PPP1R15B: variants seen among roughly 807,000 people sequenced by gnomAD.
PPP1R15B encodes protein phosphatase 1, regulatory (inhibitor) subunit 15B.
Under a neutral mutation model 53.9 loss-of-function variants are expected in PPP1R15B, and 31 were observed. That is an observed-to-expected ratio of 0.58 (90% confidence interval 0.43 to 0.78). PPP1R15B has a LOEUF of 0.78. PPP1R15B is among the 30% of genes least tolerant of loss of function. The probability of loss-of-function intolerance (pLI) is 0.00; values close to 1 mark genes in which losing one functional copy is unlikely to be tolerated. For missense variants in PPP1R15B, 928 were observed against 849.6 expected (o/e 1.09, Z -1.15); for synonymous variants, 345 against 329.1 (o/e 1.05, Z -0.52).
At position 204,411,546 on chromosome 1, in the gene PPP1R15B, A is replaced by T; in HGVS notation, c.-135T>A. ...GCTGCTCCAGGCCGATCTTCGAGCCAGCAGAAAAGCCACAGAGGGCAGCGA... is the reference window on the plus strand; with the variant it reads ...GCTGCTCCAGGCCGATCTTCGAGCCTGCAGAAAAGCCACAGAGGGCAGCGA... On this transcript the variant is annotated 5_prime_UTR_variant, in exon 1 of 2. Transcript: ENST00000367188. 2 of 1,244,816 alleles carry T rather than the reference A, an allele frequency of 1.6e-6. No individual in the cohort carries two copies. 77.1% of individuals were successfully genotyped at this position (1,244,816 alleles called of 1,614,324 possible).
In PPP1R15B at chr1:204,410,763, T is replaced by C. The variant is rs770217382; in HGVS notation, c.649A>G (p.Ser217Gly). Reference protein sequence around the residue: ...PLNIQRIDNFSVVSYLLNPSY... With the variant: ...PLNIQRIDNFGVVSYLLNPSY... Reference sequence around the variant, plus strand: ...GGGTTCAGCAAATAGGATACCACACTGAAATTGTCTATGCGTTGAATGTTT... The same window carrying C: ...GGGTTCAGCAAATAGGATACCACACCGAAATTGTCTATGCGTTGAATGTTT... The change falls in exon 1 of 2, where the codon AGT becomes GGT. Residue 217 changes from serine to glycine, a missense_variant. Transcript: ENST00000367188. 45 of 1,614,080 alleles carry C rather than the reference T, an allele frequency of 2.8e-5. No individual in the cohort carries two copies. The highest frequency in any genetic ancestry group is 3.6e-5 in the Non-Finnish European group (43 of 1,180,040).
rs1162038395 is a variant in PPP1R15B, at chr1:204,406,287, C to T, written c.1947G>A (p.Glu649=). The T allele has an allele frequency of 3.1e-6, 5 of 1,613,830 alleles. No individual in the cohort carries two copies. Among genetic ancestry groups the T allele is most frequent in the Non-Finnish European group, 4.2e-6 (5 of 1,179,876 alleles). ...GATCCTCATCACCACTTATATAATA[C>T]TCAGTAACTTCTTCAAGGAAGGTTA... ...KKVTFLEEVT[E]YYISGDEDRK... The change falls in exon 2 of 2, where the codon GAG becomes GAA. Residue 649 remains glutamate, a synonymous_variant. Coordinates refer to ENST00000367188, the MANE Select transcript of PPP1R15B (RefSeq NM_032833.5).
At chr1:204,398,225 C>T (rs116440475), downstream of PPP1R15B, among the ~76,000 whole-genome samples, 537 of 152,280 alleles carry the variant, frequency 3.5e-3, 3 homozygotes, top group African/African-American at 0.012. Flanking sequence ...TGCCTGTAAT[C>T]GCGACACTTT....
In PPP1R15B at chr1:204,410,626, C is replaced by G; in HGVS notation, c.786G>C (p.Glu262Asp). 6.2e-7 allele frequency: 1 copy of G among 1,614,000 alleles called. No individual in the cohort carries two copies. The highest frequency in any genetic ancestry group is 1.1e-5 in the South Asian group (1 of 91,056). Reference protein sequence around the residue: ...TLTPESSCLREDHCHPQPLSA... With the variant: ...TLTPESSCLRDDHCHPQPLSA... ...TCAGCGGCTGGGGATGACAATGGTCCTCTCTCAGGCAGCTGCTCTCTGGGG... is the reference window on the plus strand; with the variant it reads ...TCAGCGGCTGGGGATGACAATGGTCGTCTCTCAGGCAGCTGCTCTCTGGGG... The change falls in exon 1 of 2, where the codon GAG (glutamate) becomes GAC (aspartate). Residue 262 changes from glutamate to aspartate, a missense_variant. Physicochemically the swap from Glu to Asp is conservative, Grantham distance 45 (BLOSUM62 2). Coordinates refer to ENST00000367188, the MANE Select transcript of PPP1R15B (RefSeq NM_032833.5).
rs1038601539 is a variant in PPP1R15B at position 204,403,774 on chromosome 1, T to C, written c.*2318A>G. 2 of 985,772 alleles carry C rather than the reference T, an allele frequency of 2.0e-6. No homozygotes were observed. The highest frequency in any genetic ancestry group is 2.4e-6 in the Non-Finnish European group (2 of 829,814). The allele number at this position is 985,772 out of a possible 1,614,324, so 61.1% of individuals were successfully genotyped here. Reference sequence around the variant, plus strand: ...GGGTTTAACTTTGTTCTAACTAGAATTGGGATGAAACAAGAATTTTGCTTT... The same window carrying C: ...GGGTTTAACTTTGTTCTAACTAGAACTGGGATGAAACAAGAATTTTGCTTT... On this transcript the variant is annotated 3_prime_UTR_variant, in exon 2 of 2. Transcript: ENST00000367188.
chr1:204,405,578 G>C lies in PPP1R15B; in HGVS notation c.*514C>G, dbSNP rs1295096072. 4 of 979,864 alleles carry C rather than the reference G, an allele frequency of 4.1e-6. No individual in the cohort carries two copies. The African/African-American group carries it at 5.3e-5, about 13-fold the overall frequency. 60.7% of individuals were successfully genotyped at this position (979,864 alleles called of 1,614,324 possible). ...CACTTTAAGTTGGTAGCATACACAAGGTTATTTTTTAGCCTAACATAGACA... is the reference window on the plus strand; with the variant it reads ...CACTTTAAGTTGGTAGCATACACAACGTTATTTTTTAGCCTAACATAGACA... On this transcript the variant is annotated 3_prime_UTR_variant, in exon 2 of 2. Transcript: ENST00000367188.
In PPP1R15B at chr1:204,411,039, T is replaced by TC. The variant is rs1460256150; in HGVS notation, c.372dup (p.Ser125GlufsTer17). The TC allele has an allele frequency of 1.2e-6, 2 of 1,614,164 alleles. No individual in the cohort carries two copies. Among genetic ancestry groups the TC allele is most frequent in the Non-Finnish European group, 8.5e-7 (1 of 1,180,012 alleles). On this transcript the variant is annotated frameshift_variant, in exon 1 of 2. Coordinates refer to ENST00000367188, the MANE Select transcript of PPP1R15B (RefSeq NM_032833.5). LOFTEE classifies it high-confidence loss of function. Reference sequence around the variant, plus strand: ...TCTGAGGAGTCGAGCTGCAGCGAACTCAAAGATTTCTGCGCTGTGGGGGCG... The same window carrying TC: ...TCTGAGGAGTCGAGCTGCAGCGAACTCCAAAGATTTCTGCGCTGTGGGGGCG...
In PPP1R15B at chr1:204,409,815, G is replaced by A. The variant is rs1674329721; in HGVS notation, c.1597C>T (p.Pro533Ser). The change falls in exon 1 of 2, where the codon CCT (proline) becomes TCT (serine). Residue 533 changes from proline to serine, a missense_variant. Transcript: ENST00000367188. ...SSQSGSLPETPEHSSGEEDDW... is the reference protein window; with the variant it reads ...SSQSGSLPETSEHSSGEEDDW... ...TCTTCCTCCCCAGAACTATGCTCAG[G>A]GGTCTCAGGAAGGCTTCCAGACTGG... The A allele has an allele frequency of 6.2e-7, 1 of 1,614,154 alleles. No homozygotes were observed. Among genetic ancestry groups the A allele is most frequent in the Admixed American group, 1.7e-5 (1 of 60,022 alleles).
At chr1:204,407,938 T>C (rs909430148) in intron 1 of PPP1R15B, among the ~76,000 whole-genome samples, 23 of 152,326 alleles carry the variant, frequency 1.5e-4, no homozygotes, top group Non-Finnish European at 3.1e-4. Flanking sequence ...TAAATTCTGC[T>C]TCTAGTTCAT....
Position 204,405,347 on chromosome 1 carries a change from C to A in PPP1R15B, c.*745G>T. 1.0e-6 allele frequency: 1 copy of A among 983,108 alleles called. No individual in the cohort carries two copies. The highest frequency in any genetic ancestry group is 1.2e-6 in the Non-Finnish European group (1 of 828,032). The allele number at this position is 983,108 out of a possible 1,614,324, so 60.9% of individuals were successfully genotyped here. On this transcript the variant is annotated 3_prime_UTR_variant, in exon 2 of 2. Transcript: ENST00000367188. ...GGAACTACAATAACGTACACAGAAC[C>A]CTCTTCAAAGAAATTAAATATATTA...
At position 204,409,547 on chromosome 1, in the gene PPP1R15B, G is replaced by C; in HGVS notation, c.1865C>G (p.Ser622Trp). The C allele has an allele frequency of 6.2e-7, 1 of 1,614,098 alleles. No homozygotes were observed. The highest frequency in any genetic ancestry group is 8.5e-7 in the Non-Finnish European group (1 of 1,180,012). ...LGSQESECPD[S>W]VQRDVLSGGR... is the part of the protein sequence containing the mutation. ...TCCAGAAAGAACGTCACGCTGTACCGAGTCTGGACATTCACTTTCTTGGCT... is the reference window on the plus strand; with the variant it reads ...TCCAGAAAGAACGTCACGCTGTACCCAGTCTGGACATTCACTTTCTTGGCT... Residue 622 changes from serine (S) to tryptophan (W), a missense_variant, in exon 1 of 2, where the codon TCG becomes TGG. Transcript: ENST00000367188.
chr1:204,402,704 G>A (rs12752842), downstream of PPP1R15B, among the ~76,000 whole-genome samples: 2 of 151,948 alleles, frequency 1.3e-5, no homozygotes, highest in East Asian at 2.0e-4. Context: ...TTACAGGCGT[G>A]AGCCACCATA....
At chr1:204,409,130 C>A (rs1014049439) in intron 1 of PPP1R15B, among the ~76,000 whole-genome samples, 6 of 152,122 alleles carry the variant, frequency 3.9e-5, no homozygotes, top group Admixed American at 2.0e-4. Context: ...GTAACAGGAC[C>A]TTTTCAATCT....
In PPP1R15B at chr1:204,404,705, A is replaced by G. The variant is rs1374647239; in HGVS notation, c.*1387T>C. 5.1e-6 allele frequency: 5 copies of G among 985,668 alleles called. No homozygotes were observed. The highest frequency in any genetic ancestry group is 1.7e-5 in the African/African-American group (1 of 57,200). The allele number at this position is 985,668 out of a possible 1,614,324, so 61.1% of individuals were successfully genotyped here. ...ATGAAAAATTCATCCCCACACTTAAATAAGTTCAAAACTAAGAGGTCACCT... is the reference window on the plus strand; with the variant it reads ...ATGAAAAATTCATCCCCACACTTAAGTAAGTTCAAAACTAAGAGGTCACCT... On this transcript the variant is annotated 3_prime_UTR_variant, in exon 2 of 2. Transcript: ENST00000367188.
chr1:204,411,149 A>T lies in PPP1R15B; in HGVS notation c.263T>A (p.Phe88Tyr). The T allele has an allele frequency of 2.5e-6, 4 of 1,614,224 alleles. No individual in the cohort carries two copies. Among genetic ancestry groups the T allele is most frequent in the Non-Finnish European group, 3.4e-6 (4 of 1,180,052 alleles). The change falls in exon 1 of 2, where the codon TTC becomes TAC. Residue 88 changes from phenylalanine (F) to tyrosine (Y), a missense_variant. Phe to Tyr is a conservative substitution (Grantham distance 22). Coordinates refer to ENST00000367188, the MANE Select transcript of PPP1R15B (RefSeq NM_032833.5). ...LQKVLIWSQL[F>Y]GGMFPTRWLD... is the part of the protein sequence containing the mutation. ...CCATCTGGTCGGAAACATTCCACCG[A>T]AAAGTTGGCTCCAAATTAGCACCTT...
At chr1:204,396,386 A>G (rs1178021310), downstream of PPP1R15B, among the ~76,000 whole-genome samples, 1 of 126,688 alleles carries the variant, frequency 7.9e-6, no homozygotes, top group African/African-American at 3.2e-5. Flanking sequence ...ACAAAAACAA[A>G]AAAAAAAAAA....
downstream of PPP1R15B, among the ~76,000 whole-genome samples, chr1:204,402,034 T>A: frequency 6.6e-6 from 1 of 152,218 alleles, no homozygotes; most frequent in South Asian, 2.1e-4. Flanking sequence ...AGGATAAGCA[T>A]AGCAATAAAT....
downstream of PPP1R15B, among the ~76,000 whole-genome samples, chr1:204,398,254 G>A (rs903192834): frequency 6.6e-6 from 1 of 152,176 alleles, no homozygotes; most frequent in Non-Finnish European, 1.5e-5. Context: ...CAGGCAGTAG[G>A]ATCTCTTGAA....
At chr1:204,400,236 C>CAAA (rs369757663), downstream of PPP1R15B, among the ~76,000 whole-genome samples, 25 of 122,984 alleles carry the variant, frequency 2.0e-4, 1 homozygote, top group Admixed American at 3.3e-4. Context: ...GACACTGTCT[C>CAAA]AAAAAAAAAA....
Sources: allele counts gnomAD v4.1 joint callset (sites outside exome capture counted in the v4.1 genomes callset), GRCh38; gene constraint gnomAD v4.1.1; transcripts MANE v1.5; gene names NCBI Gene and HGNC (gene_info 2026-07-23, HGNC 2026-07-21).